PRKN: variants seen among roughly 807,000 people sequenced by gnomAD.
PRKN encodes the protein parkin RBR E3 ubiquitin protein ligase.
Under a neutral mutation model 59.5 loss-of-function variants are expected in PRKN, and 56 were observed. That is an observed-to-expected ratio of 0.94 (90% confidence interval 0.76 to 1.18). The LOEUF (loss-of-function observed/expected upper bound fraction) is 1.18, where lower values mean the gene tolerates loss of function less well. Ranked by LOEUF, PRKN falls within the 50% of genes most tolerant of loss-of-function variation. The pLI is 0.00. For missense variants in PRKN, 657 were observed against 596.4 expected (o/e 1.10, Z -1.06); for synonymous variants, 250 against 222.1 (o/e 1.13, Z -1.12).
At chr6:162,599,631 G>A (rs1433202821) in intron 1 of PRKN, among the ~76,000 whole-genome samples, 1 of 152,176 alleles carries the variant, frequency 6.6e-6, no homozygotes, top group African/African-American at 2.4e-5. Context: ...CAGAGCCCAG[G>A]TGAAGATGGG....
Position 162,025,183 on chromosome 6 carries a change from T to A in PRKN, c.618+28908A>T, listed in dbSNP as rs182125773. On this transcript the variant is annotated intron_variant, in intron 5 of 11. Transcript: ENST00000366898. The stretch of plus-strand genomic sequence containing the variant: ...GGCACCTGCCACCACGCCTGGCTAA[T>A]TTTTTGTATTTTTAGTAGAGACGGG... Among the ~76,000 whole-genome samples, 67 of 151,986 alleles carry A rather than the reference T, an allele frequency of 4.4e-4. 1 individual carries two copies. The East Asian group carries it at 0.012, about 26-fold the overall frequency.
At chr6:162,194,987 C>T (rs1327601426) in intron 4 of PRKN, among the ~76,000 whole-genome samples, 1 of 152,062 alleles carries the variant, frequency 6.6e-6, no homozygotes, top group Admixed American at 6.6e-5. Context: ...CAGATGGTGG[C>T]GTGAAGGGCG....
intron 4 of PRKN, among the ~76,000 whole-genome samples, chr6:162,091,112 C>CTT (rs10554768): frequency 6.7e-6 from 1 of 148,222 alleles, no homozygotes; most frequent in Non-Finnish European, 1.5e-5. Flanking sequence ...TCTTGCTATC[C>CTT]TTTTTTTTTT....
chr6:161,832,441 T>C lies in PRKN; in HGVS notation c.735-46533A>G, dbSNP rs1038140184. ...GAGATCGAGACCATCCTGGCCAACA[T>C]GGTGAAACCTCGTCTCTAGTAAAAA... On this transcript the variant is annotated intron_variant, in intron 6 of 11. Coordinates refer to ENST00000366898, the MANE Select transcript of PRKN (RefSeq NM_004562.3). Among the ~76,000 whole-genome samples the C allele has an allele frequency of 3.3e-5, 5 of 151,732 alleles. No individual in the cohort carries two copies. In the East Asian group the frequency reaches 9.7e-4, roughly 29 times the overall value.
chr6:161,360,930 G>A lies in PRKN; in HGVS notation c.1168-725C>T, dbSNP rs144603950. 2.6e-5 allele frequency among the ~76,000 whole-genome samples: 4 copies of A among 152,258 alleles called. No individual in the cohort carries two copies. In the East Asian group the frequency reaches 5.8e-4, roughly 22 times the overall value. ...AGATGAAACACCTTGTGCATTGGGG[G>A]TATGGAGGATTCTATGAGTTAATTT... On this transcript the variant is annotated intron_variant, in intron 10 of 11. Coordinates refer to ENST00000366898, the MANE Select transcript of PRKN (RefSeq NM_004562.3). The surrounding 1 kb of genome is among the most constrained non-coding windows in gnomAD (Gnocchi z 5.1).
In PRKN at chr6:162,011,263, AT is replaced by A. The variant is rs1209128571; in HGVS notation, c.619-37847del. Among the ~76,000 whole-genome samples, 50 of 51,950 alleles carry A rather than the reference AT, an allele frequency of 9.6e-4. 16 individuals are homozygous for A. The highest frequency in any genetic ancestry group is 1.9e-3 in the Non-Finnish European group (48 of 25,944). 34.1% of individuals were successfully genotyped at this position (51,950 alleles called of 152,430 possible). ...TTATAATATATATAATATAGTATAT[AT>A]TTATAATATATATTTATAAAATATG... is the stretch of plus-strand genomic sequence containing the variant. On this transcript the variant is annotated intron_variant, in intron 5 of 11. Coordinates refer to ENST00000366898, the MANE Select transcript of PRKN (RefSeq NM_004562.3).
intron 4 of PRKN, among the ~76,000 whole-genome samples, chr6:162,114,151 T>C (rs928785463): frequency 1.0e-3 from 152 of 152,268 alleles, no homozygotes; most frequent in African/African-American, 3.6e-3. Context: ...GGTAGCGTGA[T>C]GCCTCCAGCT....
chr6:162,673,891 A>C (rs10806762), intron 1 of PRKN, among the ~76,000 whole-genome samples: 27,655 of 152,108 alleles, frequency 0.18, 3,131 homozygotes, highest in East Asian at 0.48. Flanking sequence ...CTTCAGATCA[A>C]GCCAGCAGGA....
intron 6 of PRKN, among the ~76,000 whole-genome samples, chr6:161,805,444 A>G (rs1791267627): frequency 4.2e-5 from 2 of 47,582 alleles, no homozygotes; most frequent in African/African-American, 1.7e-4. Context: ...CTTCCTGAGT[A>G]CACACATGCA....
At chr6:162,540,271 A>C (rs4708968) in intron 1 of PRKN, among the ~76,000 whole-genome samples, 143,201 of 152,076 alleles carry the variant, frequency 0.94, 67,550 homozygotes, top group Middle Eastern at 0.97. Context: ...GCTCTGTCAC[A>C]CAGGCTGAAG....
intron 4 of PRKN, among the ~76,000 whole-genome samples, chr6:162,183,939 T>C (rs1373635189): frequency 2.6e-5 from 4 of 152,214 alleles, no homozygotes; most frequent in African/African-American, 9.6e-5. Context: ...ACTAGTGCTA[T>C]CTAAGAGAAT....
intron 7 of PRKN, among the ~76,000 whole-genome samples, chr6:161,596,312 A>C (rs921349346): frequency 6.6e-5 from 10 of 152,186 alleles, no homozygotes; most frequent in African/African-American, 1.9e-4. Flanking sequence ...TTAAAAAAAA[A>C]CACTTTTCTG....
intron 7 of PRKN, among the ~76,000 whole-genome samples, chr6:161,627,191 T>C (rs1240052747): frequency 1.3e-5 from 2 of 152,248 alleles, no homozygotes; most frequent in Non-Finnish European, 2.9e-5. Flanking sequence ...GGGCCCCGAC[T>C]GCCTTATCAG....
intron 6 of PRKN, among the ~76,000 whole-genome samples, chr6:161,865,826 A>C (rs1794090170): frequency 6.6e-6 from 1 of 152,188 alleles, no homozygotes; most frequent in Non-Finnish European, 1.5e-5. Context: ...TCACGTGTTC[A>C]CTGGAGTAGC....
intron 9 of PRKN, among the ~76,000 whole-genome samples, chr6:161,422,105 T>C (rs1769447578): frequency 6.6e-6 from 1 of 151,442 alleles, no homozygotes; most frequent in Non-Finnish European, 1.5e-5. Context: ...AGGATCCACA[T>C]AAAACTTATT....
intron 5 of PRKN, among the ~76,000 whole-genome samples, chr6:162,027,029 T>G (rs560529907): frequency 8.5e-5 from 13 of 152,278 alleles, no homozygotes; most frequent in East Asian, 1.9e-4. Flanking sequence ...AAAAGAGAGA[T>G]AAGCAATTTT....
At chr6:162,616,726 C>A (rs1782436433) in intron 1 of PRKN, among the ~76,000 whole-genome samples, 2 of 152,094 alleles carry the variant, frequency 1.3e-5, no homozygotes, top group South Asian at 4.1e-4. Flanking sequence ...GAAAGCCTTA[C>A]ATAATATAAC....
At chr6:161,722,753 C>T (rs1308987819) in intron 7 of PRKN, among the ~76,000 whole-genome samples, 1 of 152,112 alleles carries the variant, frequency 6.6e-6, no homozygotes, top group Non-Finnish European at 1.5e-5. Context: ...TTTAATTTGA[C>T]ATTAATTTGT....
At chr6:161,742,329 C>T (rs748155104) in intron 7 of PRKN, among the ~76,000 whole-genome samples, 2 of 152,152 alleles carry the variant, frequency 1.3e-5, no homozygotes, top group African/African-American at 2.4e-5. Flanking sequence ...ATGTAAGATG[C>T]GTCTTGCTTC....
Sources: allele counts gnomAD v4.1 joint callset (sites outside exome capture counted in the v4.1 genomes callset), GRCh38; gene constraint gnomAD v4.1.1; non-coding constraint Gnocchi (gnomAD v3.1); transcripts MANE v1.5; gene names NCBI Gene and HGNC (gene_info 2026-07-23, HGNC 2026-07-21).